The following TMEM132C variants were observed in gnomAD, a reference collection of about 807,000 sequenced individuals.
TMEM132C encodes the protein transmembrane protein 132C, also known as protein phosphatase 1, regulatory subunit 152.
In TMEM132C, 29 loss-of-function variants were observed where a neutral mutation model predicts 61.4. The ratio of observed to expected loss-of-function variants is 0.47; its 90% CI spans 0.35 to 0.64. TMEM132C has a LOEUF of 0.64. TMEM132C is among the 30% of genes least tolerant of loss of function. TMEM132C has a pLI of 0.00. For missense variants in TMEM132C, 1,408 were observed against 1,476.9 expected (o/e 0.95, Z 0.76); for synonymous variants, 656 against 633.1 (o/e 1.04, Z -0.54).
intron 5 of TMEM132C, among the ~76,000 whole-genome samples, chr12:128,686,835 A>G (rs572341737): frequency 6.6e-6 from 1 of 152,192 alleles, no homozygotes; most frequent in Admixed American, 6.5e-5. Flanking sequence ...GCATCAGGTG[A>G]CAGTAAGCAA....
intron 1 of TMEM132C, among the ~76,000 whole-genome samples, chr12:128,343,891 T>A (rs1873061457): frequency 6.6e-6 from 1 of 152,196 alleles, no homozygotes; most frequent in East Asian, 1.9e-4. Context: ...TGAACAAAAC[T>A]TCATACAACA....
At chr12:128,366,107 T>C (rs1310967615) in intron 1 of TMEM132C, among the ~76,000 whole-genome samples, 2 of 152,032 alleles carry the variant, frequency 1.3e-5, no homozygotes, top group Non-Finnish European at 2.9e-5. Flanking sequence ...AGACAAGATG[T>C]GTGTTGCAAG....
At chr12:128,429,073 A>G (rs917422866) in intron 2 of TMEM132C, among the ~76,000 whole-genome samples, 1 of 152,164 alleles carries the variant, frequency 6.6e-6, no homozygotes, top group African/African-American at 2.4e-5. Context: ...AGCAGCATCT[A>G]CCTTCTTTGG....
chr12:128,314,345 A>G (rs539242779), intron 1 of TMEM132C, among the ~76,000 whole-genome samples: 1 of 133,712 alleles, frequency 7.5e-6, no homozygotes, highest in East Asian at 2.5e-4. Context: ...CTAGCTGCCC[A>G]TCAGGCCTTC....
intron 1 of TMEM132C, among the ~76,000 whole-genome samples, chr12:128,368,819 G>A (rs1873947692): frequency 6.6e-6 from 1 of 152,178 alleles, no homozygotes; most frequent in Admixed American, 6.5e-5. Context: ...CTGAGAGTCA[G>A]GGAGTCCTTT....
At chr12:128,523,655 T>A (rs144197926) in intron 2 of TMEM132C, among the ~76,000 whole-genome samples, 71 of 152,168 alleles carry the variant, frequency 4.7e-4, no homozygotes, top group African/African-American at 1.5e-3. Context: ...AAAGGGATGT[T>A]CTTTCCCTAT....
intron 3 of TMEM132C, among the ~76,000 whole-genome samples, chr12:128,574,892 T>A (rs1263853849): frequency 6.6e-6 from 1 of 152,210 alleles, no homozygotes; most frequent in African/African-American, 2.4e-5. Context: ...ATTTCCATTA[T>A]CTGACTGGTC....
chr12:128,576,030 G>A (rs1875078793), intron 3 of TMEM132C, among the ~76,000 whole-genome samples: 2 of 152,126 alleles, frequency 1.3e-5, no homozygotes, highest in African/African-American at 4.8e-5. Flanking sequence ...TGAAGCGAGT[G>A]GCTCACCTGA....
chr12:128,465,678 G>A (rs1242874219), intron 2 of TMEM132C, among the ~76,000 whole-genome samples: 2 of 152,234 alleles, frequency 1.3e-5, no homozygotes, highest in Non-Finnish European at 2.9e-5. Flanking sequence ...CTGCCCTCAC[G>A]AGCACTGGAG....
At chr12:128,386,901 G>A (rs936175035) in intron 1 of TMEM132C, among the ~76,000 whole-genome samples, 2 of 152,130 alleles carry the variant, frequency 1.3e-5, no homozygotes, top group African/African-American at 2.4e-5. Context: ...GGCTGAGGCG[G>A]GAGAATCCCT....
At chr12:128,566,542 T>C (rs1317331656) in intron 3 of TMEM132C, among the ~76,000 whole-genome samples, 1 of 152,198 alleles carries the variant, frequency 6.6e-6, no homozygotes, top group Non-Finnish European at 1.5e-5. Flanking sequence ...ATCCTGGCTG[T>C]TGGTATTTGC....
At chr12:128,635,107 G>A (rs1954092641) in intron 4 of TMEM132C, among the ~76,000 whole-genome samples, 1 of 152,202 alleles carries the variant, frequency 6.6e-6, no homozygotes, top group Non-Finnish European at 1.5e-5. Flanking sequence ...AGCATTTGCT[G>A]TAATCAGACC....
intron 4 of TMEM132C, among the ~76,000 whole-genome samples, chr12:128,643,020 C>G (rs190362380): frequency 6.6e-6 from 1 of 152,256 alleles, no homozygotes; most frequent in Admixed American, 6.5e-5. Context: ...ATCATTGTAG[C>G]GATCTCTCAC....
chr12:128,364,722 C>T (rs1168412897), intron 1 of TMEM132C, among the ~76,000 whole-genome samples: 4 of 152,178 alleles, frequency 2.6e-5, no homozygotes, highest in Non-Finnish European at 4.4e-5. Context: ...CAGTGAGTTC[C>T]CTCCCCATCT....
chr12:128,705,997 A>G lies in TMEM132C; in HGVS notation c.3029A>G (p.His1010Arg). ...RGPGACEESN[H>R]LLLNGGSHKH... ...CCGGGGGCCTGCGAGGAGAGCAACC[A>G]TCTCCTGCTCAATGGTGGCTCCCAC... Residue 1010 changes from histidine to arginine, a missense_variant, in exon 9 of 9, where the codon CAT becomes CGT. By Grantham distance (29) the His-to-Arg change is conservative. Coordinates refer to ENST00000435159, the MANE Select transcript of TMEM132C (RefSeq NM_001136103.3). 1 of 1,551,648 alleles carries G rather than the reference A, an allele frequency of 6.4e-7. No individual in the cohort carries two copies. Among genetic ancestry groups the G allele is most frequent in the Admixed American group, 2.0e-5 (1 of 51,002 alleles).
At chr12:128,488,104 A>G (rs975191236) in intron 2 of TMEM132C, among the ~76,000 whole-genome samples, 8 of 152,214 alleles carry the variant, frequency 5.3e-5, no homozygotes, top group Admixed American at 1.3e-4. Flanking sequence ...TACTCACACC[A>G]TAGCTAATTT....
At chr12:128,433,143 A>G (rs1057181292) in intron 2 of TMEM132C, among the ~76,000 whole-genome samples, 1 of 152,234 alleles carries the variant, frequency 6.6e-6, no homozygotes, top group Non-Finnish European at 1.5e-5. Context: ...GCTGTTGCAC[A>G]CTTAATAGCC....
At chr12:128,392,424 G>A (rs1020545399) in intron 1 of TMEM132C, among the ~76,000 whole-genome samples, 1 of 152,086 alleles carries the variant, frequency 6.6e-6, no homozygotes, top group Admixed American at 6.5e-5. Context: ...ACCCCAGAAC[G>A]TCATGGAGGA....
intron 1 of TMEM132C, among the ~76,000 whole-genome samples, chr12:128,317,110 C>CA (rs1299638582): frequency 2.0e-5 from 3 of 152,152 alleles, no homozygotes; most frequent in Non-Finnish European, 2.9e-5. Flanking sequence ...TTTGGCTGCT[C>CA]AAAACCACAT....
Sources: allele counts gnomAD v4.1 joint callset (sites outside exome capture counted in the v4.1 genomes callset), GRCh38; gene constraint gnomAD v4.1.1; transcripts MANE v1.5; gene names NCBI Gene and HGNC (gene_info 2026-07-23, HGNC 2026-07-21).